Variants in TACR3 observed in about 807,000 individuals in gnomAD.
TACR3 encodes neuromedin-K receptor.
Under a neutral mutation model 35.0 loss-of-function variants are expected in TACR3, and 34 were observed. The ratio of observed to expected loss-of-function variants is 0.97; its 90% CI spans 0.74 to 1.30. The LOEUF (loss-of-function observed/expected upper bound fraction) is 1.30. Ranked by LOEUF, TACR3 falls within the 50% of genes most tolerant of loss-of-function variation. TACR3 has a pLI of 0.00. For synonymous variants in TACR3, 233 were observed against 221.1 expected (o/e 1.05, Z -0.48); for missense variants, 558 against 591.7 (o/e 0.94, Z 0.59).
intron 3 of TACR3, among the ~76,000 whole-genome samples, chr4:103,606,702 C>T (rs1724376910): frequency 6.6e-6 from 1 of 152,118 alleles, no homozygotes; most frequent in Admixed American, 6.5e-5. Flanking sequence ...AGTTGCTTAT[C>T]AGCTTAAGGA....
At chr4:103,654,087 A>G (rs1725679973) in intron 3 of TACR3, among the ~76,000 whole-genome samples, 1 of 148,658 alleles carries the variant, frequency 6.7e-6, no homozygotes, top group Admixed American at 6.7e-5. Flanking sequence ...GAACACTTTT[A>G]CACTGTTGGT....
At chr4:103,719,101 T>C (rs537879751) in intron 1 of TACR3, 27 bp downstream of exon 1, 1 of 1,613,986 alleles carries the variant, frequency 6.2e-7, no homozygotes, top group South Asian at 1.1e-5. Context: ...CTTCTCCCTC[T>C]TTCCTCTCTG....
chr4:103,588,406 C>T lies in TACR3; in HGVS notation c.*1276G>A, dbSNP rs1723824105. ...ACTGAGGCCTGGATGTTACTTTTTA[C>T]ACTTAAAAGTATTTCTTGTTATGTT... On this transcript the variant is annotated 3_prime_UTR_variant, in exon 5 of 5. Transcript: ENST00000304883. The T allele has an allele frequency of 6.6e-6, 1 of 152,086 alleles. No homozygotes were observed. The highest frequency in any genetic ancestry group is 6.6e-5 in the Admixed American group (1 of 15,242). The allele number at this position is 152,086 out of a possible 1,614,324, so 9.4% of individuals were successfully genotyped here.
chr4:103,637,092 T>C (rs371246142), intron 3 of TACR3, among the ~76,000 whole-genome samples: 2 of 151,820 alleles, frequency 1.3e-5, no homozygotes, highest in African/African-American at 4.8e-5. Context: ...ATTTTATGAG[T>C]CCAGCATCAT....
intron 3 of TACR3, 119 bp downstream of exon 3, chr4:103,656,075 C>T (rs922681681): frequency 6.3e-6 from 8 of 1,272,338 alleles, no homozygotes; most frequent in Admixed American, 2.0e-5. Flanking sequence ...AAAACAAAGA[C>T]ATTAAAAACA....
chr4:103,656,491 A>G, intron 2 of TACR3, 147 bp from the exon 3 acceptor site: 1 of 757,656 alleles, frequency 1.3e-6, no homozygotes, highest in Non-Finnish European at 2.2e-6. Context: ...TTCCATCAAA[A>G]TATCATGCTA....
intron 3 of TACR3, among the ~76,000 whole-genome samples, chr4:103,653,529 C>T (rs1725667631): frequency 6.6e-6 from 1 of 151,922 alleles, no homozygotes; most frequent in South Asian, 2.1e-4. Flanking sequence ...TTCCTTACAC[C>T]TTATACAAAA....
At chr4:103,605,736 A>G (rs1359265339) in intron 3 of TACR3, among the ~76,000 whole-genome samples, 1 of 151,644 alleles carries the variant, frequency 6.6e-6, no homozygotes, top group Non-Finnish European at 1.5e-5. Flanking sequence ...CCTTTGTCAG[A>G]TGAGTAGGTT....
chr4:103,616,969 G>T (rs1261902202), intron 3 of TACR3, among the ~76,000 whole-genome samples: 1 of 151,864 alleles, frequency 6.6e-6, no homozygotes, highest in Non-Finnish European at 1.5e-5. Flanking sequence ...AAATTTAAAA[G>T]AATTAAAAAA....
At chr4:103,715,223 T>A (rs977155507) in intron 1 of TACR3, among the ~76,000 whole-genome samples, 1 of 152,180 alleles carries the variant, frequency 6.6e-6, no homozygotes, top group African/African-American at 2.4e-5. Flanking sequence ...ATCCCCAATG[T>A]TGGAAGTGGG....
intron 4 of TACR3, among the ~76,000 whole-genome samples, chr4:103,590,428 T>C (rs1186729866): frequency 6.6e-6 from 1 of 152,188 alleles, no homozygotes; most frequent in Non-Finnish European, 1.5e-5. Context: ...ATTTATAAAT[T>C]AAAGTCTCGT....
chr4:103,700,594 T>C (rs1318366955), intron 1 of TACR3, among the ~76,000 whole-genome samples: 2 of 152,136 alleles, frequency 1.3e-5, no homozygotes, highest in East Asian at 3.9e-4. Flanking sequence ...CTGGGGGAAA[T>C]TATTTTACTG....
In TACR3 at chr4:103,719,734, C is replaced by T. The variant is rs1723173240; in HGVS notation, c.-59G>A. 6.3e-7 allele frequency: 1 copy of T among 1,593,918 alleles called. No individual in the cohort carries two copies. The highest frequency in any genetic ancestry group is 1.3e-5 in the African/African-American group (1 of 74,674). On this transcript the variant is annotated 5_prime_UTR_variant, in exon 1 of 5. Coordinates refer to ENST00000304883, the MANE Select transcript of TACR3 (RefSeq NM_001059.3). The stretch of plus-strand genomic sequence containing the variant: ...CACCCACGGGCAGCCCAAGACGAGA[C>T]TCCTCTGAAGTTCTTCTCTGCCTCC...
chr4:103,661,042 T>C (rs776026232), intron 1 of TACR3, among the ~76,000 whole-genome samples: 5 of 152,150 alleles, frequency 3.3e-5, no homozygotes, highest in South Asian at 2.1e-4. Flanking sequence ...AGAGAAGAGC[T>C]AGAATTTTAA....
At chr4:103,699,738 A>T (rs752396823) in intron 1 of TACR3, among the ~76,000 whole-genome samples, 6 of 152,146 alleles carry the variant, frequency 3.9e-5, no homozygotes, top group Non-Finnish European at 8.8e-5. Context: ...AGATGAGATG[A>T]GCCAAGGATG....
chr4:103,637,415 A>G (rs1188804149), intron 3 of TACR3, among the ~76,000 whole-genome samples: 1 of 152,162 alleles, frequency 6.6e-6, no homozygotes, highest in African/African-American at 2.4e-5. Flanking sequence ...CTCTCAATAA[A>G]TTAGGTATTG....
Position 103,656,222 on chromosome 4 carries a change from T to G in TACR3, c.860A>C (p.Tyr287Ser), listed in dbSNP as rs902806637. 3 of 1,612,916 alleles carry G rather than the reference T, an allele frequency of 1.9e-6. No individual in the cohort carries two copies. Among genetic ancestry groups the G allele is most frequent in the Non-Finnish European group, 2.5e-6 (3 of 1,179,282 alleles). ...GEIPGDTCDK[Y>S]HEQLKAKRKV... ...TCTTTTGGCCTTTAGCTGCTCATGATACTTGTCACAGGTATCTCCTGGGAT... is the reference window on the plus strand; with the variant it reads ...TCTTTTGGCCTTTAGCTGCTCATGAGACTTGTCACAGGTATCTCCTGGGAT... Residue 287 changes from tyrosine (Y) to serine (S), a missense_variant, in exon 3 of 5, where the codon TAT becomes TCT. Physicochemically the swap from Tyr to Ser is moderately radical, Grantham distance 144. Coordinates refer to ENST00000304883, the MANE Select transcript of TACR3 (RefSeq NM_001059.3).
intron 1 of TACR3, among the ~76,000 whole-genome samples, chr4:103,711,493 T>C (rs1049740430): frequency 6.6e-6 from 1 of 152,162 alleles, no homozygotes; most frequent in African/African-American, 2.4e-5. Flanking sequence ...GGGATGTATC[T>C]CAAAATAATA....
chr4:103,702,243 T>C (rs1722668853), intron 1 of TACR3, among the ~76,000 whole-genome samples: 1 of 152,102 alleles, frequency 6.6e-6, no homozygotes, highest in African/African-American at 2.4e-5. Flanking sequence ...GGGCAAAGGA[T>C]ATGAACACAC....
Sources: allele counts gnomAD v4.1 joint callset (sites outside exome capture counted in the v4.1 genomes callset), GRCh38; gene constraint gnomAD v4.1.1; transcripts MANE v1.5; gene names NCBI Gene and HGNC (gene_info 2026-07-23, HGNC 2026-07-21).